Variants in EXOC6B observed in about 807,000 individuals in gnomAD.
The protein encoded by EXOC6B is SEC15 homolog B.
In EXOC6B, 54 loss-of-function variants were observed where a neutral mutation model predicts 113.5. That is an observed-to-expected ratio of 0.48 (90% CI 0.38 to 0.60). EXOC6B has a LOEUF of 0.60. Ranked by LOEUF, EXOC6B falls within the 20% of genes least tolerant of loss-of-function variation. The pLI is 0.00. For missense variants in EXOC6B, 797 were observed against 977.5 expected (o/e 0.82, Z 2.46); for synonymous variants, 357 against 339.0 (o/e 1.05, Z -0.58).
At chr2:72,192,744 C>T (rs1678926258) in intron 20 of EXOC6B, among the ~76,000 whole-genome samples, 1 of 152,158 alleles carries the variant, frequency 6.6e-6, no homozygotes, top group Admixed American at 6.5e-5. Context: ...CATGTTTTCG[C>T]TTGAACAGGA....
At chr2:72,729,870 C>G (rs1344255868) in intron 5 of EXOC6B, among the ~76,000 whole-genome samples, 1 of 152,098 alleles carries the variant, frequency 6.6e-6, no homozygotes, top group Non-Finnish European at 1.5e-5. Flanking sequence ...ATTTTAATGT[C>G]TAATGATTCA....
intron 6 of EXOC6B, among the ~76,000 whole-genome samples, chr2:72,654,095 G>A (rs982058910): frequency 1.3e-5 from 2 of 151,576 alleles, no homozygotes; most frequent in Admixed American, 1.3e-4. Context: ...TCAGCCTCCC[G>A]AGTAGCTGGG....
rs775228106 is a variant in EXOC6B, at chr2:72,741,403, G to A, written c.180C>T (p.His60=). The change falls in exon 2 of 22, where the codon CAC becomes CAT. Residue 60 remains histidine (H), a synonymous_variant. Transcript: ENST00000272427. ...MEKLETRIRN[H]DREIEKMCNF... is the part of the protein sequence containing the mutation. The stretch of plus-strand genomic sequence containing the variant: ...TGCACATTTTCTCAATTTCTCGGTC[G>A]TGATTACGGATACGAGTTTCAAGCT... The A allele has an allele frequency of 1.9e-6, 3 of 1,613,538 alleles. No homozygotes were observed. The highest frequency in any genetic ancestry group is 1.3e-5 in the African/African-American group (1 of 74,902).
chr2:72,657,897 CTG>C (rs1184607176), intron 6 of EXOC6B, among the ~76,000 whole-genome samples: 1 of 151,452 alleles, frequency 6.6e-6, no homozygotes, highest in Non-Finnish European at 1.5e-5. Flanking sequence ...AAAACACACA[CTG>C]AAACTATATC....
At chr2:72,591,883 T>C (rs1705989579) in intron 6 of EXOC6B, among the ~76,000 whole-genome samples, 2 of 151,830 alleles carry the variant, frequency 1.3e-5, no homozygotes, top group Non-Finnish European at 2.9e-5. Flanking sequence ...GGGAATCATA[T>C]CACGAAAAAG....
At chr2:72,675,541 C>T (rs1183329009) in intron 6 of EXOC6B, among the ~76,000 whole-genome samples, 1 of 152,168 alleles carries the variant, frequency 6.6e-6, no homozygotes, top group Non-Finnish European at 1.5e-5. Context: ...GCCTATAATC[C>T]CAGCACTTTG....
intron 8 of EXOC6B, among the ~76,000 whole-genome samples, chr2:72,550,734 T>C (rs551025388): frequency 8.5e-5 from 13 of 152,242 alleles, no homozygotes; most frequent in South Asian, 6.2e-4. Flanking sequence ...GGACTACATA[T>C]GGTCATCGTA....
At chr2:72,700,158 C>T (rs1056907047) in intron 6 of EXOC6B, among the ~76,000 whole-genome samples, 4 of 150,524 alleles carry the variant, frequency 2.7e-5, no homozygotes, top group Admixed American at 1.3e-4. Flanking sequence ...TGGTTTTCTA[C>T]GAATATTTTC....
At chr2:72,232,817 A>G (rs1681712727) in intron 20 of EXOC6B, among the ~76,000 whole-genome samples, 1 of 152,198 alleles carries the variant, frequency 6.6e-6, no homozygotes, top group African/African-American at 2.4e-5. Context: ...TCATGCCTAT[A>G]ATCCTAGCCT....
In EXOC6B at chr2:72,305,947, T is replaced by A. The variant is rs752268633; in HGVS notation, c.2196+29000A>T. ...AGAAGTTCTGATTTTGTTTACATAA[T>A]ACATGACCAGGGCCTTCTGTCTTGT... On this transcript the variant is annotated intron_variant, in intron 20 of 21. Coordinates refer to ENST00000272427, the MANE Select transcript of EXOC6B (RefSeq NM_015189.3). Among the ~76,000 whole-genome samples, 341 of 152,326 alleles carry A rather than the reference T, an allele frequency of 2.2e-3. 4 individuals are homozygous for A. Among genetic ancestry groups the A allele is most frequent in the Non-Finnish European group, 2.6e-3 (176 of 68,020 alleles).
chr2:72,534,940 C>G (rs187622861), intron 8 of EXOC6B, among the ~76,000 whole-genome samples: 158 of 152,220 alleles, frequency 1.0e-3, no homozygotes, highest in African/African-American at 3.7e-3. Context: ...TTCTAAAACT[C>G]TCCCCTCCCT....
intron 6 of EXOC6B, among the ~76,000 whole-genome samples, chr2:72,663,739 T>C (rs898218182): frequency 4.1e-4 from 62 of 152,228 alleles, no homozygotes; most frequent in African/African-American, 1.5e-3. Flanking sequence ...ATAGGACTTT[T>C]AGGGCAGTGA....
At chr2:72,239,354 G>A (rs1206687426) in intron 20 of EXOC6B, among the ~76,000 whole-genome samples, 1 of 152,130 alleles carries the variant, frequency 6.6e-6, no homozygotes, top group South Asian at 2.1e-4. Context: ...GTTAATTTTT[G>A]TGTGGTATAA....
intron 20 of EXOC6B, among the ~76,000 whole-genome samples, chr2:72,297,586 A>C (rs1362969530): frequency 2.6e-5 from 4 of 151,948 alleles, no homozygotes; most frequent in East Asian, 1.9e-4. Context: ...TAGTTCTTTT[A>C]ATTGTGATGT....
intron 6 of EXOC6B, among the ~76,000 whole-genome samples, chr2:72,678,122 T>C (rs1213591409): frequency 3.9e-5 from 6 of 152,216 alleles, no homozygotes; most frequent in Non-Finnish European, 8.8e-5. Flanking sequence ...GTATTGCACA[T>C]CCTGAGGCAC....
chr2:72,587,860 T>C lies in EXOC6B; in HGVS notation c.670-12192A>G, dbSNP rs1355344620. ...AAAAAAAAACAACTAACCCAATCTTTTTAATGGGCAAAATAGTTGAATAGA... is the reference window on the plus strand; with the variant it reads ...AAAAAAAAACAACTAACCCAATCTTCTTAATGGGCAAAATAGTTGAATAGA... On this transcript the variant is annotated intron_variant, in intron 6 of 21. Coordinates refer to ENST00000272427, the MANE Select transcript of EXOC6B (RefSeq NM_015189.3). Among the ~76,000 whole-genome samples, 3 of 152,146 alleles carry C rather than the reference T, an allele frequency of 2.0e-5. No individual in the cohort carries two copies. In the East Asian group the frequency reaches 5.8e-4, roughly 29 times the overall value.
Position 72,797,950 on chromosome 2 carries a change from A to G in EXOC6B, c.113+27848T>C, listed in dbSNP as rs966489869. 2.3e-4 allele frequency among the ~76,000 whole-genome samples: 35 copies of G among 152,284 alleles called. 1 individual carries two copies. Among genetic ancestry groups the G allele is most frequent in the African/African-American group, 8.2e-4 (34 of 41,568 alleles). ...AACAAATTTCACTTCCTATATTTCT[A>G]ATATTTTGTGAACTGTTGTTTTCCT... On this transcript the variant is annotated intron_variant, in intron 1 of 21. Coordinates refer to ENST00000272427, the MANE Select transcript of EXOC6B (RefSeq NM_015189.3).
intron 6 of EXOC6B, among the ~76,000 whole-genome samples, chr2:72,636,361 GAAGGAAGGAAGC>G (rs1197212645): frequency 0.025 from 3,259 of 128,480 alleles, 112 homozygotes; most frequent in African/African-American, 0.1. Flanking sequence ...AGGAAGGAAG[GAAGGAAGGAAGC>G]AAGGAAGCAA....
At chr2:72,386,586 C>G (rs1692043555) in intron 18 of EXOC6B, among the ~76,000 whole-genome samples, 1 of 152,198 alleles carries the variant, frequency 6.6e-6, no homozygotes, top group African/African-American at 2.4e-5. Flanking sequence ...CCAGCCTTGG[C>G]TCAAAGGTGC....
Sources: gnomAD v4.1 joint callset for allele counts (sites outside exome capture counted in the v4.1 genomes callset) on GRCh38, gnomAD v4.1.1 for gene constraint, MANE v1.5 for transcripts, NCBI Gene and HGNC (gene_info 2026-07-23, HGNC 2026-07-21) for gene names.